The following OR56A3 variants were observed in gnomAD, a reference collection of about 807,000 sequenced individuals.
The protein encoded by OR56A3 is olfactory receptor family 56 subfamily A member 3, also known as olfactory receptor 56A3.
A neutral mutation model predicts 17.5 loss-of-function variants in OR56A3; 23 were observed. That is an observed-to-expected ratio of 1.32 (90% CI 0.95 to 1.87). The LOEUF (loss-of-function observed/expected upper bound fraction) is 1.87. Among genes scored for constraint, OR56A3 ranks in the 40% most tolerant of loss-of-function variants. The probability of loss-of-function intolerance (pLI) is 0.00; values close to 1 mark genes in which losing one functional copy is unlikely to be tolerated. For synonymous variants in OR56A3, 175 were observed against 150.6 expected (o/e 1.16, Z -1.19); for missense variants, 366 against 380.1 (o/e 0.96, Z 0.31).
At chr11:5,984,562 TC>T in the OR56A3 span, among the ~76,000 whole-genome samples, 2 of 152,206 alleles carry the variant, frequency 1.3e-5, no homozygotes, top group African/African-American at 4.8e-5. Flanking sequence ...ATGTAATACA[TC>T]ATACCCTGAT....
downstream of OR56A3, among the ~76,000 whole-genome samples, chr11:5,955,161 A>G (rs1241312009): frequency 6.6e-6 from 1 of 152,194 alleles, no homozygotes; most frequent in Non-Finnish European, 1.5e-5. Flanking sequence ...TGGGGCATTC[A>G]GTAGAATTGC....
the OR56A3 span, among the ~76,000 whole-genome samples, chr11:5,972,341 AC>A: frequency 2.0e-5 from 3 of 152,078 alleles, no homozygotes; most frequent in African/African-American, 7.2e-5. Context: ...GAGCCCATTG[AC>A]TTTTTCTTCT....
At chr11:5,967,646 G>C in the OR56A3 span, 4 of 1,613,978 alleles carry the variant, frequency 2.5e-6, no homozygotes, top group Non-Finnish European at 2.5e-6. Context: ...GAATAAGGTG[G>C]TGCAGGATGT....
At chr11:6,010,430 G>C in the OR56A3 span, among the ~76,000 whole-genome samples, 1 of 152,174 alleles carries the variant, frequency 6.6e-6, no homozygotes, top group African/African-American at 2.4e-5. Flanking sequence ...TAGGGCATGA[G>C]AGATATTCCC....
the OR56A3 span, chr11:6,002,712 G>T: frequency 6.2e-7 from 1 of 1,614,222 alleles, no homozygotes; most frequent in Admixed American, 1.7e-5. Flanking sequence ...GAAGCTGATC[G>T]ACCTGAGGTC....
the OR56A3 span, chr11:5,993,803 C>T: frequency 3.7e-6 from 1 of 270,002 alleles, no homozygotes; most frequent in Non-Finnish European, 7.3e-6. Context: ...AACATGTAAC[C>T]AACATTTTTT....
At chr11:5,996,633 T>A in the OR56A3 span, among the ~76,000 whole-genome samples, 1 of 152,162 alleles carries the variant, frequency 6.6e-6, no homozygotes, top group Non-Finnish European at 1.5e-5. Context: ...TACAACTAGA[T>A]GTTGTTAACA....
the OR56A3 span, among the ~76,000 whole-genome samples, chr11:6,014,157 T>C: frequency 6.6e-5 from 10 of 152,144 alleles, no homozygotes; most frequent in African/African-American, 1.9e-4. Context: ...TCTGACATCA[T>C]TGTCCCCAGC....
the OR56A3 span, chr11:5,999,451 T>C: frequency 9.2e-5 from 14 of 152,324 alleles, no homozygotes; most frequent in African/African-American, 2.6e-4. Context: ...TTCAAGGTAA[T>C]TAAGCCAGAA....
the OR56A3 span, among the ~76,000 whole-genome samples, chr11:6,011,242 A>G: frequency 1.3e-5 from 2 of 150,462 alleles, no homozygotes; most frequent in East Asian, 3.9e-4. Flanking sequence ...ATTTTATTTA[A>G]CAGCTGGGGA....
At chr11:5,988,341 A>G in the OR56A3 span, among the ~76,000 whole-genome samples, 1 of 152,116 alleles carries the variant, frequency 6.6e-6, no homozygotes, top group Non-Finnish European at 1.5e-5. Flanking sequence ...ATCTTATTAT[A>G]CTTTATAATT....
the OR56A3 span, among the ~76,000 whole-genome samples, chr11:5,997,744 T>C: frequency 6.6e-6 from 1 of 152,220 alleles, no homozygotes; most frequent in Non-Finnish European, 1.5e-5. Context: ...AGGTATACTC[T>C]TAGGAAAATT....
the OR56A3 span, among the ~76,000 whole-genome samples, chr11:6,018,764 CA>C: frequency 0.7 from 106,432 of 151,194 alleles, 37,689 homozygotes; most frequent in East Asian, 0.94. Flanking sequence ...AAAAGATAAA[CA>C]AAATTGATAA....
the OR56A3 span, chr11:5,967,907 GGTGATGTCATCACAAGA>G: frequency 6.3e-7 from 1 of 1,591,600 alleles, no homozygotes; most frequent in Non-Finnish European, 8.6e-7. Context: ...TCTGATTCAA[GGTGATGTCATCACAAGA>G]GAGTTTAGAC....
the OR56A3 span, chr11:5,968,628 A>G: frequency 3.0e-6 from 2 of 673,778 alleles, no homozygotes; most frequent in Non-Finnish European, 2.5e-6. Flanking sequence ...GATACAGATG[A>G]CCAATCCCAA....
chr11:5,989,983 C>G, the OR56A3 span, among the ~76,000 whole-genome samples: 1 of 152,178 alleles, frequency 6.6e-6, no homozygotes, highest in African/African-American at 2.4e-5. Flanking sequence ...CCCAAGCAAC[C>G]TTTCTTTTGT....
the OR56A3 span, among the ~76,000 whole-genome samples, chr11:6,004,772 C>T: frequency 1.3e-5 from 2 of 152,150 alleles, no homozygotes; most frequent in African/African-American, 4.8e-5. Context: ...AAAGCCTTCT[C>T]CTTTCCAATA....
At chr11:5,958,267 T>C in the OR56A3 span, among the ~76,000 whole-genome samples, 44,008 of 151,968 alleles carry the variant, frequency 0.29, 6,627 homozygotes, top group East Asian at 0.47. Flanking sequence ...AAGATTTTAA[T>C]AGATGACTGC....
chr11:5,982,301 T>C, the OR56A3 span, among the ~76,000 whole-genome samples: 394 of 152,240 alleles, frequency 2.6e-3, 3 homozygotes, highest in African/African-American at 9.1e-3. Flanking sequence ...TGTGTACGTG[T>C]ATGTGCATTG....
Sources: allele counts gnomAD v4.1 joint callset (sites outside exome capture counted in the v4.1 genomes callset), GRCh38; gene constraint gnomAD v4.1.1; transcripts MANE v1.5; gene names NCBI Gene and HGNC (gene_info 2026-07-23, HGNC 2026-07-21).